Variants in ATP2B3 observed in about 807,000 individuals in gnomAD.
ATP2B3 encodes the protein plasma membrane calcium-transporting ATPase 3.
In ATP2B3, 12 loss-of-function variants were observed where a neutral mutation model predicts 70.8. The ratio of observed to expected loss-of-function variants is 0.17; its 90% CI spans 0.11 to 0.27. The LOEUF (loss-of-function observed/expected upper bound fraction) is 0.27. ATP2B3 is among the 10% of genes least tolerant of loss of function. The pLI is 1.00. For missense variants in ATP2B3, 858 were observed against 1,118.5 expected (o/e 0.77, Z 3.32); for synonymous variants, 460 against 497.8 (o/e 0.92, Z 1.01).
intron 17 of ATP2B3, among the ~76,000 whole-genome samples, chrX:153,558,547 A>G (rs1214429222): frequency 1.8e-5 from 2 of 112,119 alleles, no homozygotes; most frequent in African/African-American, 6.5e-5. Context: ...TTAAAAAGAA[A>G]CCCTGTGCTC....
chrX:153,547,129 G>T (rs1463901641), intron 8 of ATP2B3, among the ~76,000 whole-genome samples: 2 of 111,603 alleles, frequency 1.8e-5, no homozygotes, highest in South Asian at 3.8e-4. Context: ...GAAGAGGGAG[G>T]TGGGGTGGCC....
At chrX:153,527,284 G>A (rs1408996286) in intron 2 of ATP2B3, among the ~76,000 whole-genome samples, 3 of 112,385 alleles carry the variant, frequency 2.7e-5, no homozygotes, top group East Asian at 2.8e-4. Flanking sequence ...CCCCAAACAC[G>A]AGGTCTCCGT....
At chrX:153,574,250 G>A (rs2090827378) in intron 21 of ATP2B3, among the ~76,000 whole-genome samples, 1 of 112,424 alleles carries the variant, frequency 8.9e-6, no homozygotes, top group South Asian at 3.7e-4. Context: ...GCCTACAGGG[G>A]TTGTTTTGAG....
At chrX:153,574,078 T>G (rs1275285338) in intron 21 of ATP2B3, among the ~76,000 whole-genome samples, 5 of 112,996 alleles carry the variant, frequency 4.4e-5, no homozygotes, top group Non-Finnish European at 7.5e-5. Context: ...GCCTTCCCCT[T>G]GCTCTTCCCC....
In ATP2B3 at chrX:153,581,029, T is replaced by C. The variant is rs1268660109; in HGVS notation, c.*731T>C. On this transcript the variant is annotated 3_prime_UTR_variant, in exon 22 of 22. Coordinates refer to ENST00000263519, the MANE Select transcript of ATP2B3 (RefSeq NM_001001344.3). Reference sequence around the variant, plus strand: ...TACTGGCATGATATTTGCATTCCTCTTATCAGGCATTTTCATTTGGAAATT... The same window carrying C: ...TACTGGCATGATATTTGCATTCCTCCTATCAGGCATTTTCATTTGGAAATT... 8.9e-6 allele frequency: 1 copy of C among 112,411 alleles called. No homozygotes were observed. Among genetic ancestry groups the C allele is most frequent in the Admixed American group, 9.4e-5 (1 of 10,671 alleles). 9.3% of individuals were successfully genotyped at this position (112,411 alleles called of 1,213,427 possible).
intron 21 of ATP2B3, among the ~76,000 whole-genome samples, chrX:153,567,260 T>C (rs1465655064): frequency 3.5e-5 from 4 of 113,448 alleles, no homozygotes; most frequent in Non-Finnish European, 5.6e-5. Flanking sequence ...GCAATAAATA[T>C]TTCTGCGCTA....
At chrX:153,559,552 C>A in intron 17 of ATP2B3, 177 bp from the exon 18 acceptor site, 1 of 445,787 alleles carries the variant, frequency 2.2e-6, no homozygotes, top group Non-Finnish European at 3.9e-6. Context: ...CACGTGACAG[C>A]CCAAAGAAAA....
intron 3 of ATP2B3, among the ~76,000 whole-genome samples, chrX:153,538,824 C>G (rs781830133): frequency 8.8e-5 from 10 of 113,055 alleles, no homozygotes; most frequent in Non-Finnish European, 1.7e-4. Context: ...GTCGGGACCC[C>G]GAGCCCACAG....
intron 13 of ATP2B3, among the ~76,000 whole-genome samples, chrX:153,555,528 C>T (rs781791306): frequency 9.0e-5 from 10 of 111,487 alleles, no homozygotes; most frequent in Non-Finnish European, 1.7e-4. Context: ...TCTCTGTCCC[C>T]GAGCCTGAAG....
At position 153,541,568 on chromosome X, in the gene ATP2B3, G is replaced by A. The variant is rs1557006381; in HGVS notation, c.406+12G>A. 1.2e-5 allele frequency: 14 copies of A among 1,210,872 alleles called. No homozygotes were observed. The highest frequency in any genetic ancestry group is 1.6e-5 in the Non-Finnish European group (14 of 895,011). ...AGAGGAGAGTGAAGGTAAGGCCCGG[G>A]GGCCTGGGCTGGAAGGAGGAAGAGG... On this transcript the variant is annotated intron_variant, in intron 4 of 21. Transcript: ENST00000263519.
Position 153,536,179 on chromosome X carries a change from G to A in ATP2B3, c.-69G>A, listed in dbSNP as rs1603039106. The stretch of plus-strand genomic sequence containing the variant: ...CAAACCTTGCCTGGGCACTGGGACC[G>A]TGGGTGGCCGCCTGTCCCTAGCTGT... On this transcript the variant is annotated 5_prime_UTR_variant, in exon 3 of 22. The change creates a new upstream start codon in the 5' untranslated region. Transcript: ENST00000263519. 2.6e-6 allele frequency: 3 copies of A among 1,133,467 alleles called. No homozygotes were observed. The highest frequency in any genetic ancestry group is 3.3e-5 in the East Asian group (1 of 30,676). 93.4% of individuals were successfully genotyped at this position (1,133,467 alleles called of 1,213,427 possible).
intron 3 of ATP2B3, among the ~76,000 whole-genome samples, chrX:153,537,331 C>T (rs1210753022): frequency 8.8e-6 from 1 of 113,451 alleles, no homozygotes; most frequent in Non-Finnish European, 1.9e-5. Flanking sequence ...GCCTGTTCCC[C>T]AGCCAGTGCG....
chrX:153,568,398 A>G (rs2090740602), intron 21 of ATP2B3, among the ~76,000 whole-genome samples: 1 of 111,135 alleles, frequency 9.0e-6, no homozygotes, highest in Non-Finnish European at 1.9e-5. Context: ...GCCAGGCCAG[A>G]CCAATGCAAA....
intron 21 of ATP2B3, among the ~76,000 whole-genome samples, chrX:153,565,879 C>T (rs782166757): frequency 1.8e-5 from 2 of 112,842 alleles, no homozygotes; most frequent in African/African-American, 3.2e-5. Flanking sequence ...GGCTCCCTTC[C>T]GGCTCGTGGG....
intron 12 of ATP2B3, among the ~76,000 whole-genome samples, chrX:153,551,688 C>G (rs1041958858): frequency 1.8e-5 from 2 of 111,993 alleles, no homozygotes; most frequent in South Asian, 3.7e-4. Context: ...TGTGACTATA[C>G]TAAAAACCAT....
At chrX:153,552,199 TC>T (rs1227877269) in intron 12 of ATP2B3, among the ~76,000 whole-genome samples, 2 of 112,173 alleles carry the variant, frequency 1.8e-5, no homozygotes, top group African/African-American at 3.2e-5. Context: ...CCAGCTTCAC[TC>T]CCCCTTACTC....
At chrX:153,552,920 C>A in intron 12 of ATP2B3, 115 bp from the exon 13 acceptor site, 2 of 583,324 alleles carry the variant, frequency 3.4e-6, no homozygotes, top group South Asian at 6.0e-5. Flanking sequence ...ACACGGGGCA[C>A]TCCTCTCTGA....
At chrX:153,519,821 G>A (rs2089931277) in intron 2 of ATP2B3, among the ~76,000 whole-genome samples, 1 of 112,505 alleles carries the variant, frequency 8.9e-6, no homozygotes. Context: ...GCAGATGGAA[G>A]TGGGGCGGGC....
intron 9 of ATP2B3, among the ~76,000 whole-genome samples, chrX:153,548,314 G>A (rs2090401838): frequency 1.8e-5 from 2 of 111,813 alleles, no homozygotes; most frequent in Admixed American, 1.9e-4. Flanking sequence ...GGGGCATGCA[G>A]GGCTGGTACC....
Sources: gnomAD v4.1 joint callset for allele counts (sites outside exome capture counted in the v4.1 genomes callset) on GRCh38, gnomAD v4.1.1 for gene constraint, MANE v1.5 for transcripts, NCBI Gene and HGNC (gene_info 2026-07-23, HGNC 2026-07-21) for gene names.